CSNK1D: variants seen among roughly 807,000 people sequenced by gnomAD.
CSNK1D encodes casein kinase I isoform delta.
Under a neutral mutation model 46.6 loss-of-function variants are expected in CSNK1D, and 16 were observed. The ratio of observed to expected loss-of-function variants is 0.34; its 90% confidence interval spans 0.23 to 0.52. The LOEUF (loss-of-function observed/expected upper bound fraction) is 0.52, where lower values mean the gene tolerates loss of function less well. Among genes scored for constraint, CSNK1D ranks in the 20% least tolerant of loss-of-function variants. The probability of loss-of-function intolerance (pLI) is 0.95; values close to 1 mark genes in which losing one functional copy is unlikely to be tolerated. For synonymous variants in CSNK1D, 276 were observed against 228.2 expected, an observed-to-expected ratio of 1.21 and a Z score of -1.89; for missense variants, 398 against 578.4, an observed-to-expected ratio of 0.69 and a Z score of 3.20.
rs1488816131 is a variant in CSNK1D, at chr17:82,248,471, G to A, written c.1197+404C>T. On this transcript the variant is annotated intron_variant, in intron 8 of 8. Coordinates refer to ENST00000314028, the MANE Select transcript of CSNK1D (RefSeq NM_001893.6). The surrounding 1 kb of genome is among the most constrained non-coding windows in gnomAD (Gnocchi z 4.1). ...GAGGTCCCTACGGGCCTCCATCCCT[G>A]GCCAGTGGCAAGAATGAGGAAGAAT... The A allele has an allele frequency of 1.8e-6, 2 of 1,083,024 alleles. No homozygotes were observed. Among genetic ancestry groups the A allele is most frequent in the Non-Finnish European group, 2.3e-6 (2 of 886,252 alleles). The allele number at this position is 1,083,024 out of a possible 1,614,324, so 67.1% of individuals were successfully genotyped here.
intron 1 of CSNK1D, among the ~76,000 whole-genome samples, chr17:82,267,780 C>G (rs1413251286): frequency 6.6e-6 from 1 of 152,228 alleles, no homozygotes; most frequent in Non-Finnish European, 1.5e-5. Flanking sequence ...TCCCTGCACC[C>G]CCAAGCAGGC....
chr17:82,261,657 G>A (rs978077005), intron 2 of CSNK1D, among the ~76,000 whole-genome samples: 1 of 152,206 alleles, frequency 6.6e-6, no homozygotes, highest in Non-Finnish European at 1.5e-5. Context: ...AGGTGAGCAA[G>A]GTCCTGGCAC....
rs1229543930 is a variant in CSNK1D, at chr17:82,255,246, AGC to A, written c.336+181_336+182del. 1 of 737,984 alleles carries A rather than the reference AGC, an allele frequency of 1.4e-6. No individual in the cohort carries two copies. The highest frequency in any genetic ancestry group is 2.7e-5 in the East Asian group (1 of 36,390). 45.7% of individuals were successfully genotyped at this position (737,984 alleles called of 1,614,324 possible). ...CCGCCGGAGCCTCGAGAAGCCAGTG[AGC>A]GGAGCCACCGGAGCCTCGAGAAGCC... On this transcript the variant is annotated intron_variant, in intron 3 of 8. Transcript: ENST00000314028. The surrounding 1 kb of genome is among the most constrained non-coding windows in gnomAD (Gnocchi z 5.9).
downstream of CSNK1D, among the ~76,000 whole-genome samples, chr17:82,241,644 C>T (rs1344352853): frequency 1.3e-5 from 2 of 152,196 alleles, no homozygotes; most frequent in Admixed American, 1.3e-4. Context: ...CTGAGCCTCA[C>T]CCACGGCCAC....
chr17:82,257,168 ATT>A (rs971460745), intron 2 of CSNK1D, among the ~76,000 whole-genome samples: 2 of 145,814 alleles, frequency 1.4e-5, no homozygotes, highest in African/African-American at 5.0e-5. Flanking sequence ...GAAGGCATGT[ATT>A]TTTTTTTTTG....
Position 82,252,394 on chromosome 17 carries a change from T to C in CSNK1D, c.736+40A>G, listed in dbSNP as rs1360492063. ...GCACACCCGACACATATGCAACCCC[T>C]GTGAGCAGCTCCGCTGAGAAGAGGC... On this transcript the variant is annotated intron_variant, in intron 5 of 8. Transcript: ENST00000314028. This position sits in a 1 kb window ranked among gnomAD's most constrained non-coding sequence, Gnocchi z 4.6. The C allele has an allele frequency of 1.2e-6, 2 of 1,611,756 alleles. No individual in the cohort carries two copies. Among genetic ancestry groups the C allele is most frequent in the Admixed American group, 3.3e-5 (2 of 60,022 alleles).
intron 2 of CSNK1D, among the ~76,000 whole-genome samples, chr17:82,257,835 G>A (rs535633851): frequency 6.6e-6 from 1 of 152,210 alleles, no homozygotes; most frequent in Non-Finnish European, 1.5e-5. Context: ...TGGAGTAAGA[G>A]GTTAACTGAA....
chr17:82,269,782 A>C (rs913890477), intron 1 of CSNK1D, among the ~76,000 whole-genome samples: 1 of 152,230 alleles, frequency 6.6e-6, no homozygotes, highest in Non-Finnish European at 1.5e-5. Flanking sequence ...CTGCGGGGTG[A>C]ACACAGCAGG....
At chr17:82,270,249 C>T (rs2051584551) in intron 1 of CSNK1D, among the ~76,000 whole-genome samples, 2 of 152,222 alleles carry the variant, frequency 1.3e-5, no homozygotes, top group Admixed American at 6.5e-5. Context: ...CTGCAGTGAG[C>T]ACCCGCCCTC....
rs1202742567 is a variant in CSNK1D, at chr17:82,243,194, G to C, written c.*1587C>G. On this transcript the variant is annotated 3_prime_UTR_variant, in exon 9 of 9. Transcript: ENST00000314028. ...AGGCAGACGGCCAGCCAGCTGGTGG[G>C]GGGGTGAACAACTGTGTTCTGGGAC... 20 of 985,560 alleles carry C rather than the reference G, an allele frequency of 2.0e-5. No individual in the cohort carries two copies. The highest frequency in any genetic ancestry group is 3.5e-5 in the African/African-American group (2 of 57,252). 61.1% of individuals were successfully genotyped at this position (985,560 alleles called of 1,614,324 possible). A position where few individuals can be genotyped will look rare whatever the true frequency, so the allele number is the denominator to read the frequency against.
chr17:82,244,816 C>A lies in CSNK1D; in HGVS notation c.1213G>T (p.Ala405Ser). Residue 405 changes from alanine (A) to serine (S), a missense_variant, in exon 9 of 9, where the codon GCT (alanine) becomes TCT (serine). Transcript: ENST00000314028. ...ACGACAGACTGAAGACCACTGGAAGCCACCCGACCAGGAATCTGTCGGAGC... is the reference window on the plus strand; with the variant it reads ...ACGACAGACTGAAGACCACTGGAAGACACCCGACCAGGAATCTGTCGGAGC... The part of the protein sequence containing the change: ...MSTSQIPGRV[A>S]SSGLQSVVHR 1.2e-6 allele frequency: 2 copies of A among 1,613,928 alleles called. No individual in the cohort carries two copies. Among genetic ancestry groups the A allele is most frequent in the Non-Finnish European group, 1.7e-6 (2 of 1,180,050 alleles).
chr17:82,261,872 G>A (rs1386964626), intron 2 of CSNK1D, among the ~76,000 whole-genome samples: 1 of 151,822 alleles, frequency 6.6e-6, no homozygotes, highest in Non-Finnish European at 1.5e-5. Flanking sequence ...CACTGGCCCG[G>A]GTTCTACACA....
chr17:82,248,757 A>C lies in CSNK1D; in HGVS notation c.1197+118T>G, dbSNP rs2050915930. ...AGACGCCACACCCTGGCGAGATTAA[A>C]AACTCTCAAAAATGGGGGGAAGAAA... On this transcript the variant is annotated intron_variant, in intron 8 of 8. Coordinates refer to ENST00000314028, the MANE Select transcript of CSNK1D (RefSeq NM_001893.6). This position sits in a 1 kb window ranked among gnomAD's most constrained non-coding sequence, Gnocchi z 4.1. 2 of 1,522,244 alleles carry C rather than the reference A, an allele frequency of 1.3e-6. No individual in the cohort carries two copies. Among genetic ancestry groups the C allele is most frequent in the Non-Finnish European group, 1.8e-6 (2 of 1,137,610 alleles). The allele number at this position is 1,522,244 out of a possible 1,614,324, so 94.3% of individuals were successfully genotyped here.
At chr17:82,257,162 G>A (rs1213948193) in intron 2 of CSNK1D, among the ~76,000 whole-genome samples, 1 of 151,954 alleles carries the variant, frequency 6.6e-6, no homozygotes, top group African/African-American at 2.4e-5. Context: ...TCCTCTGAAG[G>A]CATGTATTTT....
Position 82,251,288 on chromosome 17 carries a change from A to G in CSNK1D, c.885+91T>C. 6.9e-7 allele frequency: 1 copy of G among 1,459,134 alleles called. No individual in the cohort carries two copies. The highest frequency in any genetic ancestry group is 9.6e-7 in the Non-Finnish European group (1 of 1,046,706). 90.4% of individuals were successfully genotyped at this position (1,459,134 alleles called of 1,614,324 possible). A position where few individuals can be genotyped will look rare whatever the true frequency, so the allele number is the denominator to read the frequency against. On this transcript the variant is annotated intron_variant, in intron 6 of 8. Coordinates refer to ENST00000314028, the MANE Select transcript of CSNK1D (RefSeq NM_001893.6). This position sits in a 1 kb window ranked among gnomAD's most constrained non-coding sequence, Gnocchi z 4.5. ...CAACCAGAGACACTCCCTATATGGT[A>G]CAGCCCCTCAACAAGACGGCCGCCG...
At chr17:82,256,860 G>C (rs2051188148) in intron 2 of CSNK1D, among the ~76,000 whole-genome samples, 1 of 152,162 alleles carries the variant, frequency 6.6e-6, no homozygotes, top group South Asian at 2.1e-4. Context: ...GAACGGCCTG[G>C]ATAAACCTTT....
chr17:82,246,114 G>A, intron 8 of CSNK1D: 3 of 1,556,000 alleles, frequency 1.9e-6, no homozygotes, highest in Non-Finnish European at 2.6e-6. Flanking sequence ...TCCATGTCCA[G>A]ATGGGCATCC....
chr17:82,247,838 G>A (rs1176301862), intron 8 of CSNK1D: 1 of 985,422 alleles, frequency 1.0e-6, no homozygotes, highest in Non-Finnish European at 1.2e-6. Flanking sequence ...TCTTTGGGAA[G>A]AAGTTATACA....
chr17:82,240,473 C>G (rs59744443), downstream of CSNK1D, among the ~76,000 whole-genome samples: 11,425 of 152,230 alleles, frequency 0.075, 1,412 homozygotes, highest in African/African-American at 0.26. Context: ...GTCCCTGGTT[C>G]TGCTGACCTC....
Sources: gnomAD v4.1 joint callset for allele counts (sites outside exome capture counted in the v4.1 genomes callset) on GRCh38, gnomAD v4.1.1 for gene constraint, Gnocchi (gnomAD v3.1) non-coding constraint, MANE v1.5 for transcripts, NCBI Gene and HGNC (gene_info 2026-07-23, HGNC 2026-07-21) for gene names.